Variants in STAU1 observed in about 807,000 individuals in gnomAD.
STAU1 encodes staufen double-stranded RNA binding protein 1, also known as double-stranded RNA-binding protein Staufen homolog 1.
STAU1 carries 13 observed loss-of-function variants against 62.9 expected under a neutral mutation model. The ratio of observed to expected loss-of-function variants is 0.21; its 90% CI spans 0.13 to 0.33. The LOEUF (loss-of-function observed/expected upper bound fraction) is 0.33, where lower values mean the gene tolerates loss of function less well. Among genes scored for constraint, STAU1 ranks in the 10% least tolerant of loss-of-function variants. The pLI, the probability that STAU1 is intolerant of heterozygous loss-of-function variation, is 1.00. For missense variants in STAU1, 571 were observed against 712.1 expected, an observed-to-expected ratio of 0.80 and a Z score of 2.25; for synonymous variants, 269 against 265.1, an observed-to-expected ratio of 1.01 and a Z score of -0.14.
chr20:49,167,706 T>TC (rs1263462015), intron 2 of STAU1, among the ~76,000 whole-genome samples: 1 of 152,218 alleles, frequency 6.6e-6, no homozygotes, highest in Non-Finnish European at 1.5e-5. Flanking sequence ...GGGTTTTTTT[T>TC]CCGTCAGCTG....
chr20:49,183,353 T>G (rs1335361038), intron 1 of STAU1, among the ~76,000 whole-genome samples: 1 of 152,160 alleles, frequency 6.6e-6, no homozygotes, highest in African/African-American at 2.4e-5. Context: ...TCACATCAAA[T>G]AAGAAGATCC....
the STAU1 span, among the ~76,000 whole-genome samples, chr20:49,211,719 G>A: frequency 1.3e-5 from 2 of 151,894 alleles, no homozygotes; most frequent in Non-Finnish European, 2.9e-5. Flanking sequence ...TGTTGGCCAG[G>A]CTGATCTTGA....
intron 6 of STAU1, among the ~76,000 whole-genome samples, chr20:49,129,461 T>C (rs903974674): frequency 5.9e-5 from 9 of 151,362 alleles, no homozygotes; most frequent in Non-Finnish European, 1.3e-4. Flanking sequence ...CTAATTTTTG[T>C]ATTTTTAGTA....
At chr20:49,198,735 G>A in the STAU1 span, among the ~76,000 whole-genome samples, 14 of 151,880 alleles carry the variant, frequency 9.2e-5, no homozygotes, top group East Asian at 3.9e-4. Flanking sequence ...AGGCCGAGGC[G>A]GGCAGATCAC....
At chr20:49,195,904 A>AAAAAAAAAAAAGAAAG in the STAU1 span, among the ~76,000 whole-genome samples, 876 of 95,226 alleles carry the variant, frequency 9.2e-3, 20 homozygotes, top group South Asian at 0.055. Context: ...CTCTCAAAAA[A>AAAAAAAAAAAAGAAAG]AAAAAAAAAA....
At chr20:49,206,726 T>TATAA in the STAU1 span, among the ~76,000 whole-genome samples, 12 of 52,910 alleles carry the variant, frequency 2.3e-4, no homozygotes, top group African/African-American at 1.1e-3. Flanking sequence ...ATTTTATATA[T>TATAA]ATATATATAT....
At chr20:49,153,493 G>A (rs2093296397) in intron 4 of STAU1, among the ~76,000 whole-genome samples, 1 of 150,200 alleles carries the variant, frequency 6.7e-6, no homozygotes, top group African/African-American at 2.5e-5. Context: ...ATCATCTGAG[G>A]TCCGGAGTTC....
At chr20:49,219,074 A>T in the STAU1 span, among the ~76,000 whole-genome samples, 1 of 151,832 alleles carries the variant, frequency 6.6e-6, no homozygotes, top group Non-Finnish European at 1.5e-5. Context: ...ACCCAGAAGC[A>T]ATCACAGCTA....
chr20:49,129,279 A>ATTTTTTTTTTTTTTTTTT (rs1337866356), intron 6 of STAU1, among the ~76,000 whole-genome samples: 1 of 101,958 alleles, frequency 9.8e-6, no homozygotes. Flanking sequence ...TTTAAAAAAA[A>ATTTTTTTTTTTTTTTTTT]ATTTTTTTTT....
At chr20:49,195,309 A>G in the STAU1 span, among the ~76,000 whole-genome samples, 475 of 147,404 alleles carry the variant, frequency 3.2e-3, 4 homozygotes, top group African/African-American at 0.011. Flanking sequence ...AGGCCGAGGC[A>G]GGCGGATCAC....
rs1426867997 is a variant in STAU1, at chr20:49,166,155, G to A, written c.47C>T (p.Ser16Leu). Reference protein sequence around the residue: ...VQVQNPSAALSGSQILNKNQS... With the variant: ...VQVQNPSAALLGSQILNKNQS... The stretch of plus-strand genomic sequence containing the variant: ...GTTCTTGTTCAGTATTTGGCTCCCT[G>A]AGAGAGCAGCAGATGGGTTCTGAAC... Residue 16 changes from serine (S) to leucine (L), a missense_variant, in exon 3 of 14, where the codon TCA (serine) becomes TTA (leucine). Around this residue, in one of 3 missense-constraint regions of STAU1, gnomAD observed 414 missense variants for 499.6 expected, o/e 0.83. Coordinates refer to ENST00000371856, the MANE Select transcript of STAU1 (RefSeq NM_017453.4). 2.5e-6 allele frequency: 4 copies of A among 1,614,184 alleles called. No homozygotes were observed. The highest frequency in any genetic ancestry group is 2.2e-5 in the East Asian group (1 of 44,878).
the STAU1 span, among the ~76,000 whole-genome samples, chr20:49,194,556 C>T: frequency 2.4e-5 from 1 of 41,738 alleles, no homozygotes; most frequent in Non-Finnish European, 6.5e-5. Flanking sequence ...CCCAGGAGTT[C>T]GAGGCTGCAG....
chr20:49,177,880 A>G (rs901760490), intron 1 of STAU1, among the ~76,000 whole-genome samples: 1 of 152,000 alleles, frequency 6.6e-6, no homozygotes, highest in African/African-American at 2.4e-5. Flanking sequence ...GCTGAGATTC[A>G]TACAAACATT....
chr20:49,163,386 T>C (rs2093478321), intron 3 of STAU1, among the ~76,000 whole-genome samples: 1 of 151,214 alleles, frequency 6.6e-6, no homozygotes. Flanking sequence ...TTCTTGTCTA[T>C]AATATTTTTA....
chr20:49,141,303 A>G (rs932580507), intron 5 of STAU1, among the ~76,000 whole-genome samples: 1 of 152,196 alleles, frequency 6.6e-6, no homozygotes, highest in Admixed American at 6.5e-5. Context: ...TAAGAAAAAC[A>G]ATGAGCCACG....
chr20:49,139,466 C>T (rs1360285499), intron 5 of STAU1, among the ~76,000 whole-genome samples: 1 of 152,138 alleles, frequency 6.6e-6, no homozygotes, highest in Non-Finnish European at 1.5e-5. Context: ...GGCTCATGCC[C>T]GTAATCCCAG....
At chr20:49,145,736 A>G (rs1438625176) in intron 5 of STAU1, among the ~76,000 whole-genome samples, 1 of 152,040 alleles carries the variant, frequency 6.6e-6, no homozygotes, top group South Asian at 2.1e-4. Flanking sequence ...CTTAAAAAAA[A>G]AAAAGAAAAG....
intron 1 of STAU1, among the ~76,000 whole-genome samples, chr20:49,178,345 G>A (rs1488183135): frequency 6.6e-6 from 1 of 152,184 alleles, no homozygotes; most frequent in Non-Finnish European, 1.5e-5. Context: ...CAGGCACCGT[G>A]GCTCAGGCCT....
At chr20:49,118,434 A>AG (rs1568817018) in intron 9 of STAU1, 26 bp from the exon 10 acceptor site, 2 of 1,540,422 alleles carry the variant, frequency 1.3e-6, no homozygotes, top group South Asian at 1.2e-5. Context: ...GAAAAAAAAA[A>AG]GGCCATGAGC....
Sources: allele counts gnomAD v4.1 joint callset (sites outside exome capture counted in the v4.1 genomes callset), GRCh38; gene constraint gnomAD v4.1.1; regional missense constraint gnomAD v4.1.1; transcripts MANE v1.5; gene names NCBI Gene and HGNC (gene_info 2026-07-23, HGNC 2026-07-21).